The following NPLOC4 variants were observed in gnomAD, a reference collection of about 807,000 sequenced individuals.
NPLOC4 encodes nuclear protein localization protein 4 homolog.
A neutral mutation model predicts 80.6 loss-of-function variants in NPLOC4; 18 were observed. The observed-to-expected ratio is 0.22, with a 90% CI of 0.15 to 0.33. The LOEUF (loss-of-function observed/expected upper bound fraction) is 0.33, where lower values mean the gene tolerates loss of function less well. NPLOC4 is among the 10% of genes least tolerant of loss of function. The pLI is 1.00. For missense variants in NPLOC4, 540 were observed against 786.1 expected, an observed-to-expected ratio of 0.69 and a Z score of 3.74; for synonymous variants, 313 against 301.5, an observed-to-expected ratio of 1.04 and a Z score of -0.39.
chr17:81,568,629 G>A (rs1013030268), intron 14 of NPLOC4, among the ~76,000 whole-genome samples: 9 of 152,230 alleles, frequency 5.9e-5, no homozygotes, highest in Non-Finnish European at 1.2e-4. Flanking sequence ...CACTACACAC[G>A]GGAAAGCCGA....
At chr17:81,588,349 A>G (rs2034644800) in intron 12 of NPLOC4, among the ~76,000 whole-genome samples, 1 of 152,156 alleles carries the variant, frequency 6.6e-6, no homozygotes, top group Non-Finnish European at 1.5e-5. Context: ...AACATCTCCC[A>G]CGGTCTTCTC....
At chr17:81,631,418 GTACATA>G (rs2035922211) in intron 1 of NPLOC4, among the ~76,000 whole-genome samples, 1 of 57,316 alleles carries the variant, frequency 1.7e-5, no homozygotes, top group Non-Finnish European at 2.9e-5. Flanking sequence ...ATATTAAAGT[GTACATA>G]TATATATATA....
chr17:81,565,940 G>T (rs2033998475), intron 15 of NPLOC4, among the ~76,000 whole-genome samples: 1 of 152,166 alleles, frequency 6.6e-6, no homozygotes, highest in Admixed American at 6.5e-5. Context: ...ACTGTGAGAC[G>T]TGTCCTCCTC....
chr17:81,611,698 G>A (rs564084143), intron 4 of NPLOC4, among the ~76,000 whole-genome samples: 3 of 151,346 alleles, frequency 2.0e-5, no homozygotes, highest in African/African-American at 4.8e-5. Flanking sequence ...GGTGGCTTGC[G>A]CCCTGTAATC....
intron 12 of NPLOC4, among the ~76,000 whole-genome samples, chr17:81,585,666 G>T (rs1015756099): frequency 2.7e-5 from 4 of 146,612 alleles, no homozygotes; most frequent in South Asian, 2.2e-4. Context: ...ATTTCTGGGG[G>T]GGGGGGGAAA....
intron 2 of NPLOC4, among the ~76,000 whole-genome samples, chr17:81,623,264 G>C (rs1269498339): frequency 6.7e-6 from 1 of 149,660 alleles, no homozygotes; most frequent in Admixed American, 6.7e-5. Context: ...GAGGCCAGGA[G>C]TTCGACACCA....
At chr17:81,566,022 G>A (rs1028581608) in intron 15 of NPLOC4, among the ~76,000 whole-genome samples, 10 of 152,222 alleles carry the variant, frequency 6.6e-5, no homozygotes, top group South Asian at 2.1e-4. Context: ...CTAGCCTTCC[G>A]AGTCAAACTG....
chr17:81,630,026 A>G (rs772316947), intron 1 of NPLOC4, among the ~76,000 whole-genome samples: 1 of 152,020 alleles, frequency 6.6e-6, no homozygotes, highest in Non-Finnish European at 1.5e-5. Flanking sequence ...TGTCCTCTCA[A>G]CTCTTAGTTT....
At position 81,626,779 on chromosome 17, in the gene NPLOC4, A is replaced by AAAT. The variant is rs936355755; in HGVS notation, c.96+2943_96+2945dup. ...TGCCAGTGCACTCCAACCTAGGCAA[A>AAAT]AATAATAATAATAATAATTTTAAAA... is the stretch of plus-strand genomic sequence containing the variant. On this transcript the variant is annotated intron_variant, in intron 2 of 16. Transcript: ENST00000331134. Among the ~76,000 whole-genome samples, 76 of 152,020 alleles carry AAAT rather than the reference A, an allele frequency of 5.0e-4. 1 individual carries two copies. The highest frequency in any genetic ancestry group is 4.6e-3 in the Admixed American group (70 of 15,226).
chr17:81,621,550 G>A (rs569171712), intron 3 of NPLOC4, among the ~76,000 whole-genome samples: 4 of 152,310 alleles, frequency 2.6e-5, no homozygotes, highest in South Asian at 2.1e-4. Context: ...AGATGGTTTC[G>A]ATGGGAGCCA....
Position 81,567,630 on chromosome 17 carries a change from T to C in NPLOC4, c.1450-97A>G, listed in dbSNP as rs1322993586. 9.8e-6 allele frequency: 7 copies of C among 716,514 alleles called. No individual in the cohort carries two copies. The highest frequency in any genetic ancestry group is 2.5e-6 in the Non-Finnish European group (1 of 406,006). 44.4% of individuals were successfully genotyped at this position (716,514 alleles called of 1,614,324 possible). ...CCTACTAAGACGCAACTCAATACAC[T>C]GAATGCTGAGACACCTCTCCCTCTG... On this transcript the variant is annotated intron_variant, in intron 14 of 16. Coordinates refer to ENST00000331134, the MANE Select transcript of NPLOC4 (RefSeq NM_017921.4). This position sits in a 1 kb window ranked among gnomAD's most constrained non-coding sequence, Gnocchi z 4.5.
chr17:81,625,245 A>C lies in NPLOC4; in HGVS notation c.97-2967T>G, dbSNP rs190817760. Among the ~76,000 whole-genome samples, 93 of 152,308 alleles carry C rather than the reference A, an allele frequency of 6.1e-4. 1 individual carries two copies. The highest frequency in any genetic ancestry group is 2.9e-5 in the Non-Finnish European group (2 of 68,034). Reference sequence around the variant, plus strand: ...TGGAGGTAACACCTGTGCAGGGACCATGAAAGGAAAGGCTAAAAAAGGAAG... The same window carrying C: ...TGGAGGTAACACCTGTGCAGGGACCCTGAAAGGAAAGGCTAAAAAAGGAAG... On this transcript the variant is annotated intron_variant, in intron 2 of 16. Coordinates refer to ENST00000331134, the MANE Select transcript of NPLOC4 (RefSeq NM_017921.4).
At position 81,581,375 on chromosome 17, in the gene NPLOC4, A is replaced by AAAAAAAAAAAAATGTC. The variant is rs1555680405; in HGVS notation, c.1281+7568_1281+7569insGACATTTTTTTTTTTT. On this transcript the variant is annotated intron_variant, in intron 12 of 16. Coordinates refer to ENST00000331134, the MANE Select transcript of NPLOC4 (RefSeq NM_017921.4). ...AAAAAAAAAAAAAAAAAAAAAAAAA[A>AAAAAAAAAAAAATGTC]AGTTAATAAAATCACCATGTCACAA... Among the ~76,000 whole-genome samples, 9 of 72,810 alleles carry AAAAAAAAAAAAATGTC rather than the reference A, an allele frequency of 1.2e-4. 3 individuals carry two copies. Among genetic ancestry groups the AAAAAAAAAAAAATGTC allele is most frequent in the Non-Finnish European group, 2.6e-4 (9 of 34,996 alleles). 47.8% of individuals were successfully genotyped at this position (72,810 alleles called of 152,430 possible). A position where few individuals can be genotyped will look rare whatever the true frequency, so the allele number is the denominator to read the frequency against.
At chr17:81,604,958 A>G (rs915198984) in intron 7 of NPLOC4, among the ~76,000 whole-genome samples, 7 of 151,850 alleles carry the variant, frequency 4.6e-5, no homozygotes, top group African/African-American at 1.7e-4. Context: ...GACCCCTTGT[A>G]TCTTAAAAAA....
chr17:81,619,217 A>AAC (rs1318818679), intron 3 of NPLOC4, among the ~76,000 whole-genome samples: 1 of 151,388 alleles, frequency 6.6e-6, no homozygotes, highest in Non-Finnish European at 1.5e-5. Flanking sequence ...AAAAAAAAAA[A>AAC]ACACAAAAAA....
chr17:81,593,711 C>T (rs2034811230), intron 11 of NPLOC4, among the ~76,000 whole-genome samples: 1 of 151,870 alleles, frequency 6.6e-6, no homozygotes, highest in South Asian at 2.1e-4. Flanking sequence ...TATGACGACA[C>T]TTTTCTCCCC....
chr17:81,574,259 G>T (rs972036448), intron 12 of NPLOC4, among the ~76,000 whole-genome samples: 2 of 152,114 alleles, frequency 1.3e-5, no homozygotes, highest in Admixed American at 1.3e-4. Context: ...CCCCTCTAGG[G>T]ATTTTTCTTG....
Position 81,613,399 on chromosome 17 carries a change from G to A in NPLOC4, c.305C>T (p.Ala102Val), listed in dbSNP as rs1364200018. 6.2e-7 allele frequency: 1 copy of A among 1,614,020 alleles called. No individual in the cohort carries two copies. Among genetic ancestry groups the A allele is most frequent in the East Asian group, 2.2e-5 (1 of 44,884 alleles). ...AATCTCATCCTCCACCACGTTGGGA[G>A]CGCCAAAGACTTTGAAGCCCGGTGG... Reference protein sequence around the residue: ...SVPPGFKVFGAPNVVEDEIDQ... With the variant: ...SVPPGFKVFGVPNVVEDEIDQ... The change falls in exon 4 of 17, where the codon GCT (alanine) becomes GTT (valine). Residue 102 changes from alanine to valine, a missense_variant. Physicochemically the swap from Ala to Val is moderately conservative, Grantham distance 64. Transcript: ENST00000331134.
At chr17:81,561,134 T>C (rs1455856365) in intron 16 of NPLOC4, among the ~76,000 whole-genome samples, 2 of 152,140 alleles carry the variant, frequency 1.3e-5, no homozygotes, top group South Asian at 4.1e-4. Flanking sequence ...ATTTTTTTTA[T>C]TTTTAGTAGA....
Sources: gnomAD v4.1 joint callset for allele counts (sites outside exome capture counted in the v4.1 genomes callset) on GRCh38, gnomAD v4.1.1 for gene constraint, Gnocchi (gnomAD v3.1) non-coding constraint, MANE v1.5 for transcripts, NCBI Gene and HGNC (gene_info 2026-07-23, HGNC 2026-07-21) for gene names.